EML1: variants seen among roughly 807,000 people sequenced by gnomAD.
EML1 encodes the protein echinoderm microtubule-associated protein-like 1.
EML1 carries 27 observed loss-of-function variants against 110.4 expected under a neutral mutation model. The ratio of observed to expected loss-of-function variants is 0.24; its 90% confidence interval spans 0.18 to 0.34. The LOEUF is 0.34. EML1 is among the 10% of genes least tolerant of loss of function. EML1 has a pLI of 1.00. For missense variants in EML1, 741 were observed against 1,030.9 expected (o/e 0.72, Z 3.85); for synonymous variants, 344 against 385.8 (o/e 0.89, Z 1.27).
At chr14:99,874,124 T>C (rs2059249850) in intron 3 of EML1, among the ~76,000 whole-genome samples, 1 of 152,384 alleles carries the variant, frequency 6.6e-6, no homozygotes, top group African/African-American at 2.4e-5. Flanking sequence ...TAGCTTCTTA[T>C]GCTTAGAATT....
At chr14:99,904,046 G>T (rs1299972621) in intron 9 of EML1, among the ~76,000 whole-genome samples, 1 of 152,150 alleles carries the variant, frequency 6.6e-6, no homozygotes, top group Non-Finnish European at 1.5e-5. Flanking sequence ...GCCTCCCAAA[G>T]TGCTGGGGTT....
intron 1 of EML1, among the ~76,000 whole-genome samples, chr14:99,803,053 C>T (rs556160154): frequency 8.5e-5 from 13 of 152,190 alleles, no homozygotes; most frequent in African/African-American, 2.9e-4. Context: ...AGGCCTGTCA[C>T]GGAGGTTTAT....
intron 16 of EML1, 28 bp from the exon 17 acceptor site, chr14:99,920,761 A>AC (rs1317778162): frequency 6.4e-7 from 1 of 1,574,344 alleles, no homozygotes; most frequent in East Asian, 2.2e-5. Context: ...TAAACAACTT[A>AC]CTGTGCTTTT....
chr14:99,738,561 G>A (rs1340169367), intron 1 of EML1, among the ~76,000 whole-genome samples: 2 of 152,236 alleles, frequency 1.3e-5, no homozygotes, highest in African/African-American at 4.8e-5. Flanking sequence ...GGACTCTGGA[G>A]TCAGGCTGTC....
Position 99,739,065 on chromosome 14 carries a change from A to AGTGTGTGT in EML1, c.28+1225_28+1232dup, listed in dbSNP as rs35246718. Among the ~76,000 whole-genome samples the AGTGTGTGT allele has an allele frequency of 7.5e-3, 1,040 of 139,004 alleles. 15 individuals carry two copies. Among genetic ancestry groups the AGTGTGTGT allele is most frequent in the South Asian group, 0.052 (220 of 4,196 alleles). The allele number at this position is 139,004 out of a possible 152,430, so 91.2% of individuals were successfully genotyped here. A position where few individuals can be genotyped will look rare whatever the true frequency, so the allele number is the denominator to read the frequency against. On this transcript the variant is annotated intron_variant, in intron 1 of 10. Coordinates refer to the EML1 transcript ENST00000554479. ...GGAACAGAGCAAGTGAGAGTGTGAGAGTGTGTGTGTGTGTGTGTGTGTGTG... is the reference window on the plus strand; with the variant it reads ...GGAACAGAGCAAGTGAGAGTGTGAGAGTGTGTGTGTGTGTGTGTGTGTGTGTGTGTGTG...
Position 99,914,611 on chromosome 14 carries a change from T to C in EML1, c.1666T>C (p.Ser556Pro), listed in dbSNP as rs2250718. Reference protein sequence around the residue: ...LWGLAIHASKSQFLTCGHDKH... With the variant: ...LWGLAIHASKPQFLTCGHDKH... ...GGGACTGGCCATCCATGCCTCAAAA[T>C]CTCAGTTCTTGACCTGTGGGCATGA... Residue 556 changes from serine to proline, a missense_variant, in exon 15 of 22, where the codon TCT becomes CCT. By Grantham distance (74) the Ser-to-Pro change is moderately conservative. This residue lies in a region of EML1 where 388 missense variants were observed against 605.6 expected (regional missense o/e 0.64). Coordinates refer to ENST00000262233, the MANE Select transcript of EML1 (RefSeq NM_004434.3). The C allele has an allele frequency of 0.63, 1,007,943 of 1,610,514 alleles. 318,914 individuals are homozygous for C. The highest frequency in any genetic ancestry group is 0.88 in the African/African-American group (66,048 of 74,718).
At chr14:99,824,534 C>A (rs943147945) in intron 1 of EML1, among the ~76,000 whole-genome samples, 9 of 152,116 alleles carry the variant, frequency 5.9e-5, no homozygotes, top group Non-Finnish European at 1.2e-4. Context: ...ATATATATGT[C>A]AGTAATTGGC....
intron 1 of EML1, among the ~76,000 whole-genome samples, chr14:99,850,563 A>G (rs968994235): frequency 2.0e-5 from 3 of 152,176 alleles, no homozygotes; most frequent in Non-Finnish European, 4.4e-5. Flanking sequence ...GTTCTCCGGT[A>G]TCGCTGAAAA....
chr14:99,836,543 GA>G (rs1266369220), intron 1 of EML1, among the ~76,000 whole-genome samples: 3 of 152,166 alleles, frequency 2.0e-5, no homozygotes, highest in African/African-American at 7.2e-5. Flanking sequence ...CTTGCAGTAT[GA>G]TGTTGAATGT....
At position 99,793,461 on chromosome 14, in the gene EML1, GC is replaced by G; in HGVS notation, c.-13del. On this transcript the variant is annotated 5_prime_UTR_variant, in exon 1 of 22. Transcript: ENST00000262233. ...GCGGCCGGGCCGGGGAGCGGGCGCG[GC>G]CCGGCGGCCTCAGCATGGAGGACGG... is the stretch of plus-strand genomic sequence containing the variant. 4.8e-6 allele frequency: 5 copies of G among 1,046,138 alleles called. No homozygotes were observed. Among genetic ancestry groups the G allele is most frequent in the Non-Finnish European group, 5.8e-6 (5 of 867,954 alleles). The allele number at this position is 1,046,138 out of a possible 1,614,324, so 64.8% of individuals were successfully genotyped here.
chr14:99,860,358 A>G (rs1339250947), intron 2 of EML1, among the ~76,000 whole-genome samples: 1 of 152,166 alleles, frequency 6.6e-6, no homozygotes, highest in Non-Finnish European at 1.5e-5. Context: ...ACCTTAGCAC[A>G]TGACGAGCAG....
intron 9 of EML1, among the ~76,000 whole-genome samples, chr14:99,904,362 C>A (rs1341401693): frequency 1.3e-5 from 2 of 151,446 alleles, no homozygotes; most frequent in Admixed American, 1.3e-4. Context: ...ATAATTTAAC[C>A]TTTTAATCTA....
intron 2 of EML1, among the ~76,000 whole-genome samples, chr14:99,861,476 T>C (rs964620970): frequency 6.6e-6 from 1 of 152,178 alleles, no homozygotes; most frequent in African/African-American, 2.4e-5. Flanking sequence ...ATGAACAAAA[T>C]CTGCTAGCTT....
At chr14:99,782,986 T>TTA (rs71464630) in intron 1 of EML1, among the ~76,000 whole-genome samples, 30,089 of 150,712 alleles carry the variant, frequency 0.2, 3,731 homozygotes, top group Non-Finnish European at 0.28. Flanking sequence ...TCTAAATCGT[T>TTA]TATATATATA....
chr14:99,776,566 A>G (rs777833161), intron 1 of EML1, among the ~76,000 whole-genome samples: 4 of 152,164 alleles, frequency 2.6e-5, no homozygotes, highest in Admixed American at 6.5e-5. Context: ...GTACAGCCGA[A>G]CATTTTACTA....
At chr14:99,841,484 T>G (rs2058632624) in intron 1 of EML1, among the ~76,000 whole-genome samples, 1 of 152,116 alleles carries the variant, frequency 6.6e-6, no homozygotes, top group South Asian at 2.1e-4. Context: ...GGGGACAGAT[T>G]AGGAATTGGC....
chr14:99,741,177 T>G (rs959522024), intron 1 of EML1, among the ~76,000 whole-genome samples: 1 of 152,204 alleles, frequency 6.6e-6, no homozygotes, highest in African/African-American at 2.4e-5. Flanking sequence ...GCATTTGCCC[T>G]GCTGCAGCAG....
chr14:99,914,157 T>G (rs200452559), intron 13 of EML1, 22 bp from the exon 14 acceptor site: 4 of 1,590,126 alleles, frequency 2.5e-6, no homozygotes, highest in Non-Finnish European at 3.4e-6. Flanking sequence ...ATCTTTTCTT[T>G]TCATATGACT....
intron 2 of EML1, among the ~76,000 whole-genome samples, chr14:99,858,572 TG>T (rs1355586510): frequency 6.6e-6 from 1 of 152,208 alleles, no homozygotes; most frequent in East Asian, 1.9e-4. Flanking sequence ...GCTTTGGTTT[TG>T]CAAATTGTGC....
Sources: allele counts gnomAD v4.1 joint callset (sites outside exome capture counted in the v4.1 genomes callset), GRCh38; gene constraint gnomAD v4.1.1; regional missense constraint gnomAD v4.1.1; transcripts MANE v1.5; gene names NCBI Gene and HGNC (gene_info 2026-07-23, HGNC 2026-07-21).